CRB1: variants seen among roughly 807,000 people sequenced by gnomAD.
CRB1 encodes the protein crumbs cell polarity complex component 1, also known as protein crumbs homolog 1.
CRB1 carries 83 observed loss-of-function variants against 120.0 expected under a neutral mutation model. That is an observed-to-expected ratio of 0.69 (90% CI 0.58 to 0.83). CRB1 has a LOEUF of 0.83. CRB1 is among the 40% of genes least tolerant of loss of function. The pLI, the probability that CRB1 is intolerant of heterozygous loss-of-function variation, is 0.00. For missense variants in CRB1, 1,699 were observed against 1,687.6 expected (o/e 1.01, Z -0.12); for synonymous variants, 625 against 612.5 (o/e 1.02, Z -0.30).
chr1:197,446,052 T>C (rs1665682771), intron 11 of CRB1, among the ~76,000 whole-genome samples: 1 of 152,058 alleles, frequency 6.6e-6, no homozygotes, highest in African/African-American at 2.4e-5. Context: ...TAGCTGGGCA[T>C]GGTGGCGCAT....
chr1:197,201,755 T>C, the CRB1 span, among the ~76,000 whole-genome samples: 1 of 152,206 alleles, frequency 6.6e-6, no homozygotes, highest in East Asian at 1.9e-4. Context: ...CCAGCTAACC[T>C]ACTGGCGTGC....
Position 197,427,657 on chromosome 1 carries a change from A to T in CRB1, c.2332A>T (p.Asn778Tyr), listed in dbSNP as rs150726045. 1.7e-5 allele frequency: 28 copies of T among 1,613,836 alleles called. No individual in the cohort carries two copies. The highest frequency in any genetic ancestry group is 2.4e-5 in the Non-Finnish European group (28 of 1,179,968). ...ERGRLAMLTP[N>Y]SPKLVVKFVL... ...CGGCAGACTAGCAATGCTGACTCCAAACTCTCCCAAATTAGTAGTAAAATT... is the reference window on the plus strand; with the variant it reads ...CGGCAGACTAGCAATGCTGACTCCATACTCTCCCAAATTAGTAGTAAAATT... The change falls in exon 7 of 12, where the codon AAC (asparagine) becomes TAC (tyrosine). Residue 778 changes from asparagine (N) to tyrosine (Y), a missense_variant. Asn to Tyr is a moderately radical substitution (Grantham distance 143, BLOSUM62 -2). Transcript: ENST00000367400.
chr1:197,435,143 C>T lies in CRB1; in HGVS notation c.3280C>T (p.Gln1094Ter). 6.2e-7 allele frequency: 1 copy of T among 1,613,850 alleles called. No homozygotes were observed. Among genetic ancestry groups the T allele is most frequent in the Non-Finnish European group, 8.5e-7 (1 of 1,179,826 alleles). Residue 1094 changes from glutamine (Q) to a stop codon, truncating the protein, a stop_gained, in exon 9 of 12, where the codon CAA (glutamine) becomes TAA (stop). Coordinates refer to ENST00000367400, the MANE Select transcript of CRB1 (RefSeq NM_201253.3). LOFTEE classifies it high-confidence loss of function. ...DRAIDNIKGL[Q>*]GCLSTIEIGG... is the part of the protein sequence containing the mutation. ...AGCTATTGACAATATAAAGGGCCTG[C>T]AAGGGTGTCTAAGTACAATAGAAAT...
intron 6 of CRB1, among the ~76,000 whole-genome samples, chr1:197,425,256 T>G (rs906301581): frequency 1.3e-5 from 2 of 152,212 alleles, no homozygotes; most frequent in Non-Finnish European, 2.9e-5. Flanking sequence ...AACAGTACAC[T>G]TTTGAAAGCT....
intron 11 of CRB1, among the ~76,000 whole-genome samples, chr1:197,449,654 C>T (rs1665863609): frequency 6.6e-6 from 1 of 152,200 alleles, no homozygotes; most frequent in Non-Finnish European, 1.5e-5. Flanking sequence ...GCGTGAGCCA[C>T]CACGCCTGGC....
At chr1:197,281,243 C>T (rs985995677) in intron 1 of CRB1, among the ~76,000 whole-genome samples, 38 of 151,662 alleles carry the variant, frequency 2.5e-4, no homozygotes, top group Non-Finnish European at 5.3e-4. Flanking sequence ...CAGTGGGGAG[C>T]GATGTGAGAT....
At chr1:197,295,631 G>A (rs1336874570) in intron 1 of CRB1, among the ~76,000 whole-genome samples, 4 of 151,950 alleles carry the variant, frequency 2.6e-5, no homozygotes, top group Admixed American at 2.0e-4. Flanking sequence ...CTTTGTGTCT[G>A]CAGCACTTCA....
chr1:197,226,189 A>G, the CRB1 span, among the ~76,000 whole-genome samples: 2 of 152,228 alleles, frequency 1.3e-5, no homozygotes, highest in African/African-American at 4.8e-5. Flanking sequence ...GATTACAGGC[A>G]TGAGCCACTG....
chr1:197,427,415 T>TC (rs781482024), intron 6 of CRB1, 39 bp from the exon 7 acceptor site: 2 of 1,589,326 alleles, frequency 1.3e-6, no homozygotes, highest in Non-Finnish European at 1.7e-6. Flanking sequence ...TTAAGATGTT[T>TC]CTTTTTTTTT....
Position 197,420,988 on chromosome 1 carries a change from A to T in CRB1, c.1172-12A>T. 6.9e-7 allele frequency: 1 copy of T among 1,459,448 alleles called. No homozygotes were observed. The highest frequency in any genetic ancestry group is 1.4e-5 in the African/African-American group (1 of 71,846). The allele number at this position is 1,459,448 out of a possible 1,614,324, so 90.4% of individuals were successfully genotyped here. On this transcript the variant is annotated splice_polypyrimidine_tract_variant and intron_variant, in intron 5 of 11. Transcript: ENST00000367400. Reference sequence around the variant, plus strand: ...ATATATATAATTTTAGCCCTTTTTTATTATTTAACAGGAATCCACTGCGAA... The same window carrying T: ...ATATATATAATTTTAGCCCTTTTTTTTTATTTAACAGGAATCCACTGCGAA...
At chr1:197,203,154 T>C in the CRB1 span, among the ~76,000 whole-genome samples, 1 of 152,216 alleles carries the variant, frequency 6.6e-6, no homozygotes, top group East Asian at 1.9e-4. Flanking sequence ...ATTTGATAAA[T>C]TTAACACATG....
At chr1:197,266,731 G>A (rs952924474), upstream of CRB1, among the ~76,000 whole-genome samples, 9 of 151,904 alleles carry the variant, frequency 5.9e-5, no homozygotes, top group African/African-American at 2.2e-4. Context: ...CGACACTTTT[G>A]TCTTTTGAAA....
chr1:197,257,447 C>A, the CRB1 span, among the ~76,000 whole-genome samples: 4 of 152,136 alleles, frequency 2.6e-5, no homozygotes, highest in African/African-American at 9.7e-5. Flanking sequence ...AATTAACCAT[C>A]ACAAGTCTCT....
intron 11 of CRB1, among the ~76,000 whole-genome samples, chr1:197,448,422 A>G (rs1665804451): frequency 6.6e-6 from 1 of 152,150 alleles, no homozygotes; most frequent in Non-Finnish European, 1.5e-5. Flanking sequence ...GATTCCCACA[A>G]CATCTGGATA....
At chr1:197,274,659 T>G (rs1655103805) in intron 1 of CRB1, among the ~76,000 whole-genome samples, 1 of 152,220 alleles carries the variant, frequency 6.6e-6, no homozygotes, top group Admixed American at 6.5e-5. Flanking sequence ...TTTTATAGGA[T>G]GCTATAAAAT....
Position 197,434,741 on chromosome 1 carries a change from CA to C in CRB1, c.2881del (p.Ile961TyrfsTer27), listed in dbSNP as rs1208370356. The C allele has an allele frequency of 1.2e-6, 2 of 1,613,432 alleles. No individual in the cohort carries two copies. Among genetic ancestry groups the C allele is most frequent in the Admixed American group, 3.3e-5 (2 of 59,956 alleles). On this transcript the variant is annotated frameshift_variant, in exon 9 of 12. Coordinates refer to ENST00000367400, the MANE Select transcript of CRB1 (RefSeq NM_201253.3). LOFTEE classifies it high-confidence loss of function. ...ANAVFNGQSG[Q>X]ILFRSNGNIT... ...TGCTGTTTTTAATGGACAAAGCGGT[CA>C]AATATTATTCAGAAGCAATGGGAAT... is the stretch of plus-strand genomic sequence containing the variant.
chr1:197,323,109 A>G (rs1222763232), intron 1 of CRB1, among the ~76,000 whole-genome samples: 1 of 152,162 alleles, frequency 6.6e-6, no homozygotes, highest in Non-Finnish European at 1.5e-5. Flanking sequence ...GATTATTCTA[A>G]TTATTTTCAT....
chr1:197,218,832 C>T, the CRB1 span, among the ~76,000 whole-genome samples: 1 of 152,266 alleles, frequency 6.6e-6, no homozygotes, highest in South Asian at 2.1e-4. Context: ...ATTTGAGCAG[C>T]TGCAGGAAAA....
chr1:197,288,183 C>T (rs1168144604), intron 1 of CRB1, among the ~76,000 whole-genome samples: 1 of 151,682 alleles, frequency 6.6e-6, no homozygotes. Flanking sequence ...TTTATATCAG[C>T]ACATGCATGT....
Sources: gnomAD v4.1 joint callset for allele counts (sites outside exome capture counted in the v4.1 genomes callset) on GRCh38, gnomAD v4.1.1 for gene constraint, MANE v1.5 for transcripts, NCBI Gene and HGNC (gene_info 2026-07-23, HGNC 2026-07-21) for gene names.